TEAD4: variants seen among roughly 807,000 people sequenced by gnomAD.
TEAD4 encodes the protein TEA domain transcription factor 4, also known as transcriptional enhancer factor TEF-3.
Under a neutral mutation model 52.4 loss-of-function variants are expected in TEAD4, and 36 were observed. The ratio of observed to expected loss-of-function variants is 0.69; its 90% confidence interval spans 0.53 to 0.91. The LOEUF (loss-of-function observed/expected upper bound fraction) is 0.91. Among genes scored for constraint, TEAD4 ranks in the 40% least tolerant of loss-of-function variants. The pLI, the probability that TEAD4 is intolerant of heterozygous loss-of-function variation, is 0.00. For missense variants in TEAD4, 508 were observed against 583.9 expected, an observed-to-expected ratio of 0.87 and a Z score of 1.34; for synonymous variants, 220 against 231.0, an observed-to-expected ratio of 0.95 and a Z score of 0.43.
At chr12:3,034,788 T>G (rs1230848956) in intron 10 of TEAD4, among the ~76,000 whole-genome samples, 1 of 151,910 alleles carries the variant, frequency 6.6e-6, no homozygotes, top group Non-Finnish European at 1.5e-5. Flanking sequence ...ATAACTTTAT[T>G]TGAAAATATG....
At chr12:2,971,627 C>G (rs1466442288) in intron 2 of TEAD4, among the ~76,000 whole-genome samples, 1 of 150,756 alleles carries the variant, frequency 6.6e-6, no homozygotes, top group African/African-American at 2.4e-5. Flanking sequence ...AGGCACCCCC[C>G]ACCACACCTG....
intron 3 of TEAD4, among the ~76,000 whole-genome samples, chr12:3,003,974 G>A (rs534020509): frequency 5.3e-5 from 8 of 152,310 alleles, no homozygotes; most frequent in East Asian, 1.9e-4. Context: ...CTTCTTTGCC[G>A]GCCTTCACTG....
intron 2 of TEAD4, among the ~76,000 whole-genome samples, chr12:2,989,157 T>A (rs1290686275): frequency 6.6e-6 from 1 of 152,046 alleles, no homozygotes; most frequent in African/African-American, 2.4e-5. Flanking sequence ...CCCCACCCTG[T>A]GGGATCTCCT....
At chr12:3,029,666 C>T (rs2098274305) in intron 10 of TEAD4, among the ~76,000 whole-genome samples, 1 of 152,204 alleles carries the variant, frequency 6.6e-6, no homozygotes, top group African/African-American at 2.4e-5. Flanking sequence ...CAGGTGTGAG[C>T]CACTGTGCCT....
At chr12:3,024,190 T>A (rs2098270597) in intron 10 of TEAD4, among the ~76,000 whole-genome samples, 1 of 152,000 alleles carries the variant, frequency 6.6e-6, no homozygotes, top group Non-Finnish European at 1.5e-5. Context: ...TTCTCCTGCC[T>A]CAGCCTCCCG....
At position 3,005,505 on chromosome 12, in the gene TEAD4, A is replaced by AT. The variant is rs202105635; in HGVS notation, c.227-5490dup. Among the ~76,000 whole-genome samples, 655 of 149,130 alleles carry AT rather than the reference A, an allele frequency of 4.4e-3. 3 individuals carry two copies. Among genetic ancestry groups the AT allele is most frequent in the African/African-American group, 0.016 (637 of 40,680 alleles). On this transcript the variant is annotated intron_variant, in intron 3 of 12. Coordinates refer to ENST00000359864, the MANE Select transcript of TEAD4 (RefSeq NM_003213.4). ...TTATTTTTATTTATTTTGTTTGTTT[A>AT]TTTTTTTTTGAGACAGAGTCTCGCT...
intron 5 of TEAD4, among the ~76,000 whole-genome samples, chr12:3,015,524 C>T (rs2098263802): frequency 6.6e-6 from 1 of 152,260 alleles, no homozygotes; most frequent in African/African-American, 2.4e-5. Flanking sequence ...GGCGGGGGAG[C>T]ACTGAGCCTC....
At chr12:2,966,741 C>G (rs534579186) in intron 2 of TEAD4, among the ~76,000 whole-genome samples, 1 of 149,802 alleles carries the variant, frequency 6.7e-6, no homozygotes, top group East Asian at 2.0e-4. Flanking sequence ...GAGTCTCGCC[C>G]TATTGCCTAG....
intron 10 of TEAD4, among the ~76,000 whole-genome samples, chr12:3,037,417 C>T (rs1008341794): frequency 4.6e-5 from 7 of 152,186 alleles, no homozygotes; most frequent in African/African-American, 1.4e-4. Context: ...GCCCCAGAGC[C>T]GTTTCTGAGG....
In TEAD4 at chr12:2,967,643, C is replaced by G. The variant is rs1287511202; in HGVS notation, c.-30+7603C>G. On this transcript the variant is annotated intron_variant, in intron 2 of 12. Transcript: ENST00000359864. Reference sequence around the variant, plus strand: ...GAGGGAAAAGGCTTGGGGTTTTGGGCTGAAAAACGAAGGAAGAGGGAAATG... The same window carrying G: ...GAGGGAAAAGGCTTGGGGTTTTGGGGTGAAAAACGAAGGAAGAGGGAAATG... Among the ~76,000 whole-genome samples, 5 of 152,298 alleles carry G rather than the reference C, an allele frequency of 3.3e-5. No individual in the cohort carries two copies. The East Asian group carries it at 9.6e-4, about 29-fold the overall frequency.
intron 5 of TEAD4, among the ~76,000 whole-genome samples, chr12:3,014,505 C>T (rs777383090): frequency 1.3e-5 from 2 of 152,218 alleles, no homozygotes; most frequent in Admixed American, 6.5e-5. Context: ...CTCAAAGGAT[C>T]TAGAACCCAA....
At chr12:2,962,350 T>A (rs1487476298) in intron 2 of TEAD4, among the ~76,000 whole-genome samples, 2 of 31,898 alleles carry the variant, frequency 6.3e-5, no homozygotes, top group Non-Finnish European at 2.9e-4. Flanking sequence ...ATATATATTT[T>A]TTGAGATGGA....
intron 10 of TEAD4, among the ~76,000 whole-genome samples, chr12:3,033,952 C>A (rs2153958430): frequency 6.7e-6 from 1 of 149,142 alleles, no homozygotes; most frequent in South Asian, 2.1e-4. Context: ...TCGAGGTGCT[C>A]TGGGGCGGTT....
At chr12:2,964,116 A>ACT (rs2098218187) in intron 2 of TEAD4, among the ~76,000 whole-genome samples, 2 of 152,152 alleles carry the variant, frequency 1.3e-5, no homozygotes, top group African/African-American at 2.4e-5. Flanking sequence ...GCCCTCCTCC[A>ACT]AAGGGGGCCG....
At chr12:2,971,334 C>T (rs904797758) in intron 2 of TEAD4, among the ~76,000 whole-genome samples, 4 of 151,784 alleles carry the variant, frequency 2.6e-5, no homozygotes, top group Non-Finnish European at 5.9e-5. Context: ...GGGAAGCAGA[C>T]AGAGAGGAAG....
At position 3,021,993 on chromosome 12, in the gene TEAD4, T is replaced by G; in HGVS notation, c.873T>G (p.Asn291Lys). 1 of 1,614,182 alleles carries G rather than the reference T, an allele frequency of 6.2e-7. No homozygotes were observed. Among genetic ancestry groups the G allele is most frequent in the Non-Finnish European group, 8.5e-7 (1 of 1,180,010 alleles). Residue 291 changes from asparagine to lysine, a missense_variant, in exon 10 of 13, where the codon AAT (asparagine) becomes AAG (lysine). Transcript: ENST00000359864. Reference sequence around the variant, plus strand: ...ATCTCTTCGAACGGGGACCCTCCAATGCCTTTTTTCTTGTGAAGTTCTGGG... The same window carrying G: ...ATCTCTTCGAACGGGGACCCTCCAAGGCCTTTTTTCTTGTGAAGTTCTGGG...
intron 3 of TEAD4, among the ~76,000 whole-genome samples, chr12:2,997,811 G>T (rs1009905801): frequency 6.6e-6 from 1 of 150,946 alleles, no homozygotes; most frequent in Admixed American, 6.6e-5. Context: ...TTTTCGGGGG[G>T]GGGGTGTGTG....
In TEAD4 at chr12:3,040,643, A is replaced by G. The variant is rs1286256675; in HGVS notation, c.*165A>G. 1 of 634,116 alleles carries G rather than the reference A, an allele frequency of 1.6e-6. No individual in the cohort carries two copies. Among genetic ancestry groups the G allele is most frequent in the Non-Finnish European group, 2.8e-6 (1 of 356,066 alleles). The allele number at this position is 634,116 out of a possible 1,614,324, so 39.3% of individuals were successfully genotyped here. A position where few individuals can be genotyped will look rare whatever the true frequency, so the allele number is the denominator to read the frequency against. ...GCCTGAACCTGAGGTGCCCAACCCCAAATAAACCCAAGATGCTGTGTATTT... is the reference window on the plus strand; with the variant it reads ...GCCTGAACCTGAGGTGCCCAACCCCGAATAAACCCAAGATGCTGTGTATTT... On this transcript the variant is annotated 3_prime_UTR_variant, in exon 13 of 13. Transcript: ENST00000359864.
intron 2 of TEAD4, among the ~76,000 whole-genome samples, chr12:2,973,105 C>G (rs1051632847): frequency 6.6e-6 from 1 of 152,134 alleles, no homozygotes; most frequent in African/African-American, 2.4e-5. Context: ...TTACATAGCT[C>G]TTTGGGTCTT....
Sources: allele counts gnomAD v4.1 joint callset (sites outside exome capture counted in the v4.1 genomes callset), GRCh38; gene constraint gnomAD v4.1.1; transcripts MANE v1.5; gene names NCBI Gene and HGNC (gene_info 2026-07-23, HGNC 2026-07-21).